Variants in CCDC150 observed in about 807,000 individuals in gnomAD.
The protein encoded by CCDC150 is coiled-coil domain-containing protein 150.
Under a neutral mutation model 156.5 loss-of-function variants are expected in CCDC150, and 151 were observed. The ratio of observed to expected loss-of-function variants is 0.97; its 90% CI spans 0.85 to 1.10. The LOEUF (loss-of-function observed/expected upper bound fraction) is 1.10, where lower values mean the gene tolerates loss of function less well. Among genes scored for constraint, CCDC150 ranks in the 50% least tolerant of loss-of-function variants. CCDC150 has a pLI of 0.00. For synonymous variants in CCDC150, 452 were observed against 429.4 expected (o/e 1.05, Z -0.65); for missense variants, 1,312 against 1,268.1 (o/e 1.03, Z -0.53).
intron 13 of CCDC150, among the ~76,000 whole-genome samples, chr2:196,691,900 C>A (rs1695503405): frequency 6.6e-6 from 1 of 152,100 alleles, no homozygotes; most frequent in African/African-American, 2.4e-5. Flanking sequence ...GAGATTGCGC[C>A]ACTGCACTCC....
At chr2:196,676,765 T>G (rs1316752167) in intron 12 of CCDC150, 34 bp downstream of exon 12, 4 of 1,521,730 alleles carry the variant, frequency 2.6e-6, no homozygotes, top group Non-Finnish European at 3.6e-6. Flanking sequence ...ATCTTCTCAT[T>G]GTGGTGTGAT....
chr2:196,721,195 G>T (rs2714144), intron 20 of CCDC150, among the ~76,000 whole-genome samples: 96,142 of 148,086 alleles, frequency 0.65, 32,283 homozygotes, highest in East Asian at 0.92. Context: ...ATAGGATCAG[G>T]AAGGGTAATT....
At chr2:196,679,054 A>T (rs1229668116) in intron 13 of CCDC150, among the ~76,000 whole-genome samples, 1 of 152,192 alleles carries the variant, frequency 6.6e-6, no homozygotes, top group Non-Finnish European at 1.5e-5. Flanking sequence ...TTCATTAGAG[A>T]CTTTCTATGA....
chr2:196,647,407 A>G (rs544978540), intron 2 of CCDC150, among the ~76,000 whole-genome samples: 1 of 152,224 alleles, frequency 6.6e-6, no homozygotes, highest in African/African-American at 2.4e-5. Flanking sequence ...TAATTATCAC[A>G]CTTTAAATAT....
At chr2:196,692,420 C>T (rs1198608634) in intron 13 of CCDC150, among the ~76,000 whole-genome samples, 3 of 152,096 alleles carry the variant, frequency 2.0e-5, no homozygotes, top group Non-Finnish European at 4.4e-5. Flanking sequence ...AGGCGTGAGC[C>T]ACCGCGCCCG....
At chr2:196,663,310 A>T (rs1476711899) in intron 5 of CCDC150, among the ~76,000 whole-genome samples, 1 of 152,214 alleles carries the variant, frequency 6.6e-6, no homozygotes, top group Non-Finnish European at 1.5e-5. Flanking sequence ...TAAGTATGAC[A>T]GTTTATTACA....
intron 2 of CCDC150, among the ~76,000 whole-genome samples, chr2:196,651,833 G>C (rs906319384): frequency 6.6e-5 from 10 of 152,172 alleles, no homozygotes; most frequent in Non-Finnish European, 1.3e-4. Context: ...AGTTCTGCAG[G>C]CTGTAAAAAC....
chr2:196,709,401 C>T (rs1207276457), intron 15 of CCDC150, among the ~76,000 whole-genome samples: 2 of 152,234 alleles, frequency 1.3e-5, no homozygotes, highest in African/African-American at 2.4e-5. Context: ...GTTAGCCATT[C>T]GTCTAATGTT....
intron 5 of CCDC150, among the ~76,000 whole-genome samples, chr2:196,663,663 T>C (rs1455478190): frequency 6.6e-6 from 1 of 152,144 alleles, no homozygotes; most frequent in Non-Finnish European, 1.5e-5. Flanking sequence ...ATCAAGGATA[T>C]GATTTAAAAA....
intron 13 of CCDC150, among the ~76,000 whole-genome samples, chr2:196,684,824 A>G (rs1695034566): frequency 6.6e-6 from 1 of 151,876 alleles, no homozygotes; most frequent in South Asian, 2.1e-4. Context: ...TTTTTTCTTA[A>G]TGTCTATTTT....
At chr2:196,663,099 C>T (rs1252750442) in intron 5 of CCDC150, among the ~76,000 whole-genome samples, 4 of 152,004 alleles carry the variant, frequency 2.6e-5, no homozygotes, top group African/African-American at 7.3e-5. Flanking sequence ...ATTAGCTGGG[C>T]ATGGTGGCAC....
intron 17 of CCDC150, 97 bp from the exon 18 acceptor site, chr2:196,718,406 A>C: frequency 1.0e-6 from 1 of 967,676 alleles, no homozygotes; most frequent in Non-Finnish European, 1.5e-6. Context: ...TAGTGAATAA[A>C]TATATTTAAA....
At chr2:196,667,060 T>C in intron 7 of CCDC150, 2 of 557,838 alleles carry the variant, frequency 3.6e-6, no homozygotes, top group South Asian at 2.7e-5. Flanking sequence ...AATTGTAAAC[T>C]ATTCCTTATT....
chr2:196,655,503 A>G (rs1693136232), intron 2 of CCDC150, among the ~76,000 whole-genome samples: 1 of 152,148 alleles, frequency 6.6e-6, no homozygotes, highest in African/African-American at 2.4e-5. Context: ...CCAGAGGTGT[A>G]TTGTTTGGCT....
Position 196,732,508 on chromosome 2 carries a change from A to G in CCDC150, c.3252A>G (p.Lys1084=). Residue 1084 remains lysine, a synonymous_variant, in exon 28 of 28, where the codon AAA becomes AAG. Coordinates refer to ENST00000389175, the MANE Select transcript of CCDC150 (RefSeq NM_001080539.2). ...NQSVLHRWER[K]QNLRPMPKKY... is the part of the protein sequence containing the mutation. The stretch of plus-strand genomic sequence containing the variant: ...CTGTTCTGCATCGATGGGAGAGAAA[A>G]CAGAATCTTAGGCCCATGCCCAAGA... 2 of 1,613,836 alleles carry G rather than the reference A, an allele frequency of 1.2e-6. No homozygotes were observed. Among genetic ancestry groups the G allele is most frequent in the Non-Finnish European group, 1.7e-6 (2 of 1,179,800 alleles).
At chr2:196,700,726 C>T (rs1696148808) in intron 14 of CCDC150, among the ~76,000 whole-genome samples, 3 of 152,114 alleles carry the variant, frequency 2.0e-5, no homozygotes, top group African/African-American at 7.2e-5. Flanking sequence ...TGTCAGTGGT[C>T]CTGGTCACTT....
At chr2:196,671,033 A>G (rs1050742760) in intron 8 of CCDC150, among the ~76,000 whole-genome samples, 9 of 152,180 alleles carry the variant, frequency 5.9e-5, no homozygotes, top group Non-Finnish European at 1.2e-4. Context: ...ACCATATTAC[A>G]GTTGATGAAC....
chr2:196,657,430 T>G, intron 4 of CCDC150: 1 of 253,690 alleles, frequency 3.9e-6, no homozygotes, highest in East Asian at 8.2e-5. Flanking sequence ...CATATGCTAG[T>G]TGGGAGAACA....
At chr2:196,660,842 T>G (rs1342254603) in intron 5 of CCDC150, among the ~76,000 whole-genome samples, 1 of 152,236 alleles carries the variant, frequency 6.6e-6, no homozygotes, top group African/African-American at 2.4e-5. Context: ...TGGATTGTAC[T>G]GTTAGAATTG....
Sources: gnomAD v4.1 joint callset for allele counts (sites outside exome capture counted in the v4.1 genomes callset) on GRCh38, gnomAD v4.1.1 for gene constraint, MANE v1.5 for transcripts, NCBI Gene and HGNC (gene_info 2026-07-23, HGNC 2026-07-21) for gene names.